Variants in CACNA2D3 observed in about 807,000 individuals in gnomAD.
CACNA2D3 encodes voltage-dependent calcium channel subunit alpha-2/delta-3.
A neutral mutation model predicts 160.6 loss-of-function variants in CACNA2D3; 60 were observed. The ratio of observed to expected loss-of-function variants is 0.37; its 90% CI spans 0.30 to 0.46. The LOEUF is 0.46. Among genes scored for constraint, CACNA2D3 ranks in the 20% least tolerant of loss-of-function variants. The probability of loss-of-function intolerance (pLI) is 1.00; values close to 1 mark genes in which losing one functional copy is unlikely to be tolerated. For synonymous variants in CACNA2D3, 558 were observed against 492.9 expected, an observed-to-expected ratio of 1.13 and a Z score of -1.75; for missense variants, 1,205 against 1,365.0, an observed-to-expected ratio of 0.88 and a Z score of 1.85.
chr3:54,145,872 C>A (rs564243770), intron 2 of CACNA2D3, among the ~76,000 whole-genome samples: 1 of 152,128 alleles, frequency 6.6e-6, no homozygotes, highest in South Asian at 2.1e-4. Context: ...TTAGCCTTCA[C>A]GTCTCTTAAT....
chr3:54,679,732 A>G (rs1235454858), intron 11 of CACNA2D3, among the ~76,000 whole-genome samples: 2 of 152,274 alleles, frequency 1.3e-5, no homozygotes, highest in Non-Finnish European at 2.9e-5. Flanking sequence ...CAAGGTCAGC[A>G]AAATGTCAGA....
intron 2 of CACNA2D3, among the ~76,000 whole-genome samples, chr3:54,209,487 C>T (rs573334112): frequency 2.0e-4 from 30 of 152,276 alleles, no homozygotes; most frequent in African/African-American, 6.7e-4. Flanking sequence ...CGATTCTGTA[C>T]GGAGTGAGGC....
At chr3:54,417,203 G>T (rs1699766979) in intron 4 of CACNA2D3, among the ~76,000 whole-genome samples, 1 of 152,096 alleles carries the variant, frequency 6.6e-6, no homozygotes, top group African/African-American at 2.4e-5. Context: ...AGTCTTTCAT[G>T]GAAAATCCTA....
rs117642933 is a variant in CACNA2D3, at chr3:54,863,956, A to G, written c.1627-7583A>G. ...CCTCATGACCCTTTTTCTCTGCAGTATATCTGGGCTTCTCATCTTTCCGTG... is the reference window on the plus strand; with the variant it reads ...CCTCATGACCCTTTTTCTCTGCAGTGTATCTGGGCTTCTCATCTTTCCGTG... On this transcript the variant is annotated intron_variant, in intron 17 of 37. Transcript: ENST00000474759. Among the ~76,000 whole-genome samples the G allele has an allele frequency of 1.5e-4, 23 of 152,128 alleles. No homozygotes were observed. In the East Asian group the frequency reaches 4.5e-3, roughly 29 times the overall value.
At chr3:54,288,007 A>G (rs1703078010) in intron 2 of CACNA2D3, among the ~76,000 whole-genome samples, 1 of 152,000 alleles carries the variant, frequency 6.6e-6, no homozygotes, top group Non-Finnish European at 1.5e-5. Flanking sequence ...TAACATCACA[A>G]AAGAACTAGA....
intron 35 of CACNA2D3, among the ~76,000 whole-genome samples, chr3:55,027,373 T>C (rs1374026060): frequency 1.3e-5 from 2 of 152,248 alleles, no homozygotes; most frequent in African/African-American, 4.8e-5. Flanking sequence ...AGCTGTTGTT[T>C]GGCATTTTCT....
At chr3:54,826,069 C>T (rs1257736114) in intron 14 of CACNA2D3, among the ~76,000 whole-genome samples, 3 of 152,120 alleles carry the variant, frequency 2.0e-5, no homozygotes, top group African/African-American at 7.2e-5. Context: ...CACATTAAAA[C>T]TAAAAAATTA....
chr3:54,811,380 A>C lies in CACNA2D3; in HGVS notation c.1381-5473A>C, dbSNP rs924047977. On this transcript the variant is annotated intron_variant, in intron 13 of 37. Transcript: ENST00000474759. ...CTCTTCTATCATGATCCAGGCTATC[A>C]TCTCGATTCTCAACTCTACCTGGGG... Among the ~76,000 whole-genome samples the C allele has an allele frequency of 2.0e-5, 3 of 147,956 alleles. No individual in the cohort carries two copies. The East Asian group carries it at 6.2e-4, about 30-fold the overall frequency.
intron 2 of CACNA2D3, among the ~76,000 whole-genome samples, chr3:54,216,242 G>A (rs1055810345): frequency 6.6e-6 from 1 of 152,128 alleles, no homozygotes; most frequent in Non-Finnish European, 1.5e-5. Flanking sequence ...AGGAAGCACA[G>A]GCTTTGAGAG....
intron 9 of CACNA2D3, among the ~76,000 whole-genome samples, chr3:54,583,436 G>A (rs905117484): frequency 2.6e-5 from 4 of 152,164 alleles, no homozygotes; most frequent in African/African-American, 9.7e-5. Flanking sequence ...CCAATATGGA[G>A]TAACCATATT....
intron 11 of CACNA2D3, among the ~76,000 whole-genome samples, chr3:54,751,595 C>G (rs1701857951): frequency 6.6e-6 from 1 of 152,170 alleles, no homozygotes; most frequent in African/African-American, 2.4e-5. Flanking sequence ...ATCGACTTCA[C>G]AGACCAGCTA....
At chr3:54,555,649 A>T in intron 5 of CACNA2D3, among the ~76,000 whole-genome samples, 1 of 152,252 alleles carries the variant, frequency 6.6e-6, no homozygotes, top group East Asian at 1.9e-4. Flanking sequence ...AGTCTGTTTT[A>T]CTAAAAGCTG....
rs1390697749 is a variant in CACNA2D3 at position 54,672,737 on chromosome 3, G to A, written c.1167+30496G>A. On this transcript the variant is annotated intron_variant, in intron 11 of 37. Transcript: ENST00000474759. ...GTGACCTTGTGCAAGACACATAAGG[G>A]ATCTGTGCTTCGGCTGTCCCGTGTG... is the stretch of plus-strand genomic sequence containing the variant. Among the ~76,000 whole-genome samples the A allele has an allele frequency of 2.0e-5, 3 of 152,188 alleles. No homozygotes were observed. The East Asian group carries it at 5.8e-4, about 29-fold the overall frequency.
intron 35 of CACNA2D3, among the ~76,000 whole-genome samples, chr3:55,028,800 C>T (rs1360408025): frequency 2.6e-5 from 4 of 152,068 alleles, no homozygotes; most frequent in East Asian, 3.9e-4. Context: ...TCACTCATCA[C>T]TTCTCATAAA....
intron 11 of CACNA2D3, among the ~76,000 whole-genome samples, chr3:54,730,180 G>A (rs1701360554): frequency 6.6e-6 from 1 of 152,108 alleles, no homozygotes; most frequent in Non-Finnish European, 1.5e-5. Context: ...ACACTTACAT[G>A]TTCAACTTTG....
At chr3:54,422,808 G>A (rs1165530016) in intron 4 of CACNA2D3, among the ~76,000 whole-genome samples, 3 of 152,128 alleles carry the variant, frequency 2.0e-5, no homozygotes, top group African/African-American at 4.8e-5. Context: ...GCAACTCCAC[G>A]CCTTGCAATC....
chr3:54,928,782 G>C (rs534493495), intron 27 of CACNA2D3, among the ~76,000 whole-genome samples: 3 of 149,608 alleles, frequency 2.0e-5, no homozygotes, highest in East Asian at 2.0e-4. Flanking sequence ...ATCTTTCTTC[G>C]TTTCCCTGAT....
chr3:54,891,632 T>C (rs984849436), intron 25 of CACNA2D3, among the ~76,000 whole-genome samples, 182 bp downstream of exon 25: 5 of 152,226 alleles, frequency 3.3e-5, no homozygotes, highest in Non-Finnish European at 5.9e-5. Context: ...TTCACCTGCC[T>C]GTTAGCCCTT....
intron 11 of CACNA2D3, among the ~76,000 whole-genome samples, chr3:54,689,250 G>C (rs957811288): frequency 6.6e-6 from 1 of 151,976 alleles, no homozygotes; most frequent in African/African-American, 2.4e-5. Context: ...TTCCTCTCAC[G>C]AGCCTCTTCT....
Sources: gnomAD v4.1 joint callset for allele counts (sites outside exome capture counted in the v4.1 genomes callset) on GRCh38, gnomAD v4.1.1 for gene constraint, MANE v1.5 for transcripts, NCBI Gene and HGNC (gene_info 2026-07-23, HGNC 2026-07-21) for gene names.